TAAR5: variants seen among roughly 807,000 people sequenced by gnomAD.
TAAR5 encodes the protein trace amine-associated receptor 5.
TAAR5 carries 27 observed loss-of-function variants against 21.1 expected under a neutral mutation model. The ratio of observed to expected loss-of-function variants is 1.28; its 90% CI spans 0.94 to 1.76. The LOEUF (loss-of-function observed/expected upper bound fraction) is 1.76, where lower values mean the gene tolerates loss of function less well. Ranked by LOEUF, TAAR5 falls within the 40% of genes most tolerant of loss-of-function variation. The pLI is 0.00. For missense variants in TAAR5, 495 were observed against 405.6 expected, an observed-to-expected ratio of 1.22 and a Z score of -1.89; for synonymous variants, 203 against 167.5, an observed-to-expected ratio of 1.21 and a Z score of -1.64.
Position 132,589,587 on chromosome 6 carries a change from G to A in TAAR5, c.100C>T (p.Gln34Ter), listed in dbSNP as rs780509182. Reference sequence around the variant, plus strand: ...GCACAGGCCAGGTAGATGACCAACTGGATGCCCAGAGTATGTACTGTCCTG... The same window carrying A: ...GCACAGGCCAGGTAGATGACCAACTAGATGCCCAGAGTATGTACTGTCCTG... ...CPRTVHTLGI[Q>*]LVIYLACAAG... Residue 34 changes from glutamine (Q) to a stop codon, truncating the protein, a stop_gained, in exon 1 of 1, where the codon CAG (glutamine) becomes TAG (stop). Transcript: ENST00000258034. LOFTEE classifies it high-confidence loss of function. 1.3e-5 allele frequency: 21 copies of A among 1,613,850 alleles called. No individual in the cohort carries two copies. The Middle Eastern group carries it at 6.6e-4, about 51-fold the overall frequency.
chr6:132,589,100 A>G lies in TAAR5; in HGVS notation c.587T>C (p.Leu196Pro). 1 of 1,614,040 alleles carries G rather than the reference A, an allele frequency of 6.2e-7. No individual in the cohort carries two copies. The highest frequency in any genetic ancestry group is 8.5e-7 in the Non-Finnish European group (1 of 1,179,950). ...MPCVGSCQLL[L>P]NKFWGWLNFP... Reference sequence around the variant, plus strand: ...GTTTAACCAGCCCCAAAATTTATTGAGCAGCAGCTGGCAACTGCCCACACA... The same window carrying G: ...GTTTAACCAGCCCCAAAATTTATTGGGCAGCAGCTGGCAACTGCCCACACA... The change falls in exon 1 of 1, where the codon CTC (leucine) becomes CCC (proline). Residue 196 changes from leucine (L) to proline (P), a missense_variant. Coordinates refer to ENST00000258034, the MANE Select transcript of TAAR5 (RefSeq NM_003967.3).
chr6:132,607,248 C>G, the TAAR5 span, among the ~76,000 whole-genome samples: 1 of 151,912 alleles, frequency 6.6e-6, no homozygotes, highest in Non-Finnish European at 1.5e-5. Flanking sequence ...GAAAAGGGAA[C>G]ATTCTACTCT....
chr6:132,611,574 T>A, the TAAR5 span, among the ~76,000 whole-genome samples: 2 of 152,170 alleles, frequency 1.3e-5, no homozygotes, highest in African/African-American at 4.8e-5. Context: ...CTATTATGTA[T>A]CCATAGTAAT....
chr6:132,602,779 CA>C, the TAAR5 span, among the ~76,000 whole-genome samples: 16,169 of 95,850 alleles, frequency 0.17, 973 homozygotes, highest in East Asian at 0.35. Flanking sequence ...CTTTAGAAGT[CA>C]AAAAAAAAAA....
chr6:132,608,095 C>A, the TAAR5 span: 1 of 330,794 alleles, frequency 3.0e-6, no homozygotes, highest in Admixed American at 4.4e-5. Flanking sequence ...GTGAATGTAC[C>A]TCTTGTGTAG....
the TAAR5 span, among the ~76,000 whole-genome samples, chr6:132,609,710 C>T: frequency 6.6e-6 from 1 of 152,128 alleles, no homozygotes; most frequent in African/African-American, 2.4e-5. Flanking sequence ...AAAAATTACT[C>T]AATACACAAA....
chr6:132,601,535 C>T, the TAAR5 span, among the ~76,000 whole-genome samples: 7 of 152,128 alleles, frequency 4.6e-5, no homozygotes, highest in Non-Finnish European at 8.8e-5. Context: ...CAGTAAAATA[C>T]ATTTCAAAAA....
Position 132,588,910 on chromosome 6 carries a change from G to A in TAAR5, c.777C>T (p.Gly259=). Residue 259 remains glycine (G), a synonymous_variant, in exon 1 of 1, where the codon GGC becomes GGT. Transcript: ENST00000258034. ...KAAKTLGIAV[G]IYLLCWLPFT... ...AGGGCAGCCAGCACAAGAGGTATAT[G>A]CCCACAGCAATGCCCAGGGTCTTGG... The A allele has an allele frequency of 6.2e-7, 1 of 1,614,108 alleles. No homozygotes were observed. Among genetic ancestry groups the A allele is most frequent in the South Asian group, 1.1e-5 (1 of 91,084 alleles).
At chr6:132,592,617 T>G (rs555610165), upstream of TAAR5, among the ~76,000 whole-genome samples, 1 of 152,200 alleles carries the variant, frequency 6.6e-6, no homozygotes, top group East Asian at 1.9e-4. Context: ...GTTCTTTTGA[T>G]AGTGAATGAG....
upstream of TAAR5, among the ~76,000 whole-genome samples, chr6:132,590,871 T>G (rs1014650946): frequency 6.6e-6 from 1 of 152,220 alleles, no homozygotes; most frequent in African/African-American, 2.4e-5. Flanking sequence ...TTTTCTAATT[T>G]CATTTTTAGT....
At chr6:132,591,479 G>T (rs967937829), upstream of TAAR5, among the ~76,000 whole-genome samples, 2 of 152,142 alleles carry the variant, frequency 1.3e-5, no homozygotes, top group Non-Finnish European at 2.9e-5. Flanking sequence ...GTTTCCCAAG[G>T]CAAAGCTCCC....
At chr6:132,608,384 A>T in the TAAR5 span, 6 of 455,990 alleles carry the variant, frequency 1.3e-5, no homozygotes, top group South Asian at 9.3e-5. Context: ...GAGTTGAAGT[A>T]CCGGAGCCAC....
chr6:132,605,184 G>C, the TAAR5 span, among the ~76,000 whole-genome samples: 5 of 152,210 alleles, frequency 3.3e-5, no homozygotes, highest in African/African-American at 7.2e-5. Flanking sequence ...AGGGCTTGGG[G>C]CCTGTAAAAG....
chr6:132,590,341 G>A (rs992418033), upstream of TAAR5, among the ~76,000 whole-genome samples: 4 of 152,174 alleles, frequency 2.6e-5, no homozygotes, highest in Middle Eastern at 3.2e-3. Context: ...TTTAAATGCT[G>A]CACATTTTAT....
chr6:132,608,854 T>C, the TAAR5 span: 62,686 of 455,778 alleles, frequency 0.14, 11,234 homozygotes, highest in African/African-American at 0.6. Flanking sequence ...GTTCGTCATT[T>C]TGGTTGTGTA....
At chr6:132,595,687 G>A in the TAAR5 span, among the ~76,000 whole-genome samples, 72 of 152,238 alleles carry the variant, frequency 4.7e-4, no homozygotes, top group African/African-American at 1.7e-3. Flanking sequence ...CTAGGGGAGG[G>A]CTGAGAGTCT....
chr6:132,602,755 T>C, the TAAR5 span, among the ~76,000 whole-genome samples: 2 of 128,460 alleles, frequency 1.6e-5, no homozygotes, highest in Non-Finnish European at 3.1e-5. Flanking sequence ...AAGAACATTC[T>C]GGAGCTCTAA....
chr6:132,615,216 T>A, the TAAR5 span, among the ~76,000 whole-genome samples: 1 of 152,196 alleles, frequency 6.6e-6, no homozygotes, highest in Non-Finnish European at 1.5e-5. Flanking sequence ...TCTGATTTCA[T>A]GGTCATTCTG....
At chr6:132,593,852 G>A (rs1776939808), upstream of TAAR5, among the ~76,000 whole-genome samples, 1 of 152,058 alleles carries the variant, frequency 6.6e-6, no homozygotes, top group South Asian at 2.1e-4. Context: ...CTGAAAAGGG[G>A]TTTCAGCCAA....
Sources: gnomAD v4.1 joint callset for allele counts (sites outside exome capture counted in the v4.1 genomes callset) on GRCh38, gnomAD v4.1.1 for gene constraint, MANE v1.5 for transcripts, NCBI Gene and HGNC (gene_info 2026-07-23, HGNC 2026-07-21) for gene names.